Variants in FAXDC2 observed in about 807,000 individuals in gnomAD.
FAXDC2 encodes fatty acid hydroxylase domain containing 2.
FAXDC2 carries 41 observed loss-of-function variants against 40.9 expected under a neutral mutation model. The observed-to-expected ratio is 1.00, with a 90% confidence interval of 0.78 to 1.30. The LOEUF (loss-of-function observed/expected upper bound fraction) is 1.30, where lower values mean the gene tolerates loss of function less well. Among genes scored for constraint, FAXDC2 ranks in the 50% most tolerant of loss-of-function variants. The pLI, the probability that FAXDC2 is intolerant of heterozygous loss-of-function variation, is 0.00. For missense variants in FAXDC2, 390 were observed against 408.8 expected (o/e 0.95, Z 0.40); for synonymous variants, 157 against 149.3 (o/e 1.05, Z -0.38).
intron 1 of FAXDC2, among the ~76,000 whole-genome samples, chr5:154,842,274 G>A (rs906135609): frequency 1.3e-5 from 2 of 149,110 alleles, no homozygotes; most frequent in South Asian, 2.1e-4. Context: ...CTCAGCTCAC[G>A]GCAACCTCCA....
intron 1 of FAXDC2, among the ~76,000 whole-genome samples, chr5:154,845,584 A>G (rs1760579566): frequency 6.6e-6 from 1 of 152,038 alleles, no homozygotes; most frequent in Non-Finnish European, 1.5e-5. Flanking sequence ...AAGTATTAAT[A>G]TAAAAAAAAT....
At chr5:154,826,673 A>C (rs942410108) in intron 5 of FAXDC2, among the ~76,000 whole-genome samples, 1 of 152,144 alleles carries the variant, frequency 6.6e-6, no homozygotes, top group Admixed American at 6.5e-5. Context: ...AAACCATATC[A>C]TTGGTGAACT....
At chr5:154,849,923 G>T (rs373754473) in intron 1 of FAXDC2, among the ~76,000 whole-genome samples, 65 of 152,338 alleles carry the variant, frequency 4.3e-4, no homozygotes, top group African/African-American at 1.5e-3. Flanking sequence ...TGGAGCCACT[G>T]TTGGTAAATC....
chr5:154,821,521 T>C lies in FAXDC2; in HGVS notation c.679-95A>G. On this transcript the variant is annotated intron_variant, in intron 7 of 8. Transcript: ENST00000326080. ...TCCCAAGGTGGTACCAGAGGCAAAC[T>C]TCCTTGACCCAGATCTGGAGAAGGT... The C allele has an allele frequency of 2.2e-6, 2 of 928,438 alleles. 1 individual carries two copies. Among genetic ancestry groups the C allele is most frequent in the South Asian group, 3.7e-5 (2 of 53,780 alleles). The allele number at this position is 928,438 out of a possible 1,614,324, so 57.5% of individuals were successfully genotyped here. A position where few individuals can be genotyped will look rare whatever the true frequency, so the allele number is the denominator to read the frequency against.
chr5:154,821,484 G>A, intron 7 of FAXDC2, 58 bp from the exon 8 acceptor site: 1 of 1,420,176 alleles, frequency 7.0e-7, no homozygotes, highest in Non-Finnish European at 9.6e-7. Flanking sequence ...ACTTAGTTGG[G>A]TATACACTTA....
At chr5:154,821,080 A>G in intron 8 of FAXDC2, 180 bp downstream of exon 8, 1 of 590,838 alleles carries the variant, frequency 1.7e-6, no homozygotes, top group South Asian at 2.3e-5. Flanking sequence ...TTGGAGGAGG[A>G]CCCAATTTCA....
chr5:154,838,047 T>C (rs1760394645), intron 2 of FAXDC2, 84 bp downstream of exon 2: 1 of 881,146 alleles, frequency 1.1e-6, no homozygotes. Flanking sequence ...TTGGGGGAGA[T>C]GTTGGATGCA....
At position 154,823,430 on chromosome 5, in the gene FAXDC2, T is replaced by C. The variant is rs1759937212; in HGVS notation, c.529A>G (p.Ile177Val). 6.2e-7 allele frequency: 1 copy of C among 1,614,044 alleles called. No homozygotes were observed. The highest frequency in any genetic ancestry group is 8.5e-7 in the Non-Finnish European group (1 of 1,180,018). Reference protein sequence around the residue: ...TFHWFLLELAIFTLIEEVLFY... With the variant: ...TFHWFLLELAVFTLIEEVLFY... ...AAGACTTCCTCGATCAGCGTGAAGA[T>C]GGCCAGCTCCAGGAGGAACCAGTGG... is the stretch of plus-strand genomic sequence containing the variant. The change falls in exon 6 of 9, where the codon ATC (isoleucine) becomes GTC (valine). Residue 177 changes from isoleucine to valine, a missense_variant. By Grantham distance (29) the Ile-to-Val change is conservative. Transcript: ENST00000326080.
chr5:154,848,243 G>C (rs780303950), intron 1 of FAXDC2, among the ~76,000 whole-genome samples: 3 of 152,058 alleles, frequency 2.0e-5, no homozygotes, highest in Admixed American at 2.0e-4. Flanking sequence ...ACTCTTAGAG[G>C]GGGGAGAAAA....
At position 154,848,380 on chromosome 5, in the gene FAXDC2, G is replaced by T. The variant is rs192002050; in HGVS notation, c.-1+2103C>A. ...CAAAATCTAGGCTTCTTAACACTTTGCCTAGTGCTGTATGTATTTTGGGAA... is the reference window on the plus strand; with the variant it reads ...CAAAATCTAGGCTTCTTAACACTTTTCCTAGTGCTGTATGTATTTTGGGAA... On this transcript the variant is annotated intron_variant, in intron 1 of 8. Coordinates refer to ENST00000326080, the MANE Select transcript of FAXDC2 (RefSeq NM_032385.5). Among the ~76,000 whole-genome samples, 5 of 152,220 alleles carry T rather than the reference G, an allele frequency of 3.3e-5. No homozygotes were observed. The East Asian group carries it at 9.7e-4, about 29-fold the overall frequency.
chr5:154,844,802 G>C (rs1760557565), intron 1 of FAXDC2, among the ~76,000 whole-genome samples: 1 of 152,170 alleles, frequency 6.6e-6, no homozygotes, highest in South Asian at 2.1e-4. Context: ...TCTGGAAGAA[G>C]ACAGCTCTGG....
At position 154,825,650 on chromosome 5, in the gene FAXDC2, C is replaced by CAAA. The variant is rs386358555; in HGVS notation, c.367-2061_367-2059dup. On this transcript the variant is annotated intron_variant, in intron 5 of 8. Transcript: ENST00000326080. ...TGGGTGACAGAGTGAGACTCCGTCT[C>CAAA]AAAAAAAAAAAAAAAAAAGCAGTAA... 5.3e-4 allele frequency among the ~76,000 whole-genome samples: 16 copies of CAAA among 30,148 alleles called. 5 individuals are homozygous for CAAA. The highest frequency in any genetic ancestry group is 6.3e-3 in the South Asian group (2 of 320). The allele number at this position is 30,148 out of a possible 152,430, so 19.8% of individuals were successfully genotyped here.
chr5:154,849,616 C>T (rs2113179302), intron 1 of FAXDC2, among the ~76,000 whole-genome samples: 1 of 152,314 alleles, frequency 6.6e-6, no homozygotes, highest in East Asian at 1.9e-4. Flanking sequence ...AGCACCATTC[C>T]CTTGTGCTAA....
chr5:154,843,922 T>G (rs1180198875), intron 1 of FAXDC2, among the ~76,000 whole-genome samples: 4 of 152,176 alleles, frequency 2.6e-5, no homozygotes, highest in Admixed American at 2.6e-4. Context: ...GCCCAGGAGT[T>G]CAAGACCAGT....
Position 154,834,736 on chromosome 5 carries a change from A to G in FAXDC2, c.141-8T>C. 1 of 1,613,714 alleles carries G rather than the reference A, an allele frequency of 6.2e-7. No homozygotes were observed. Among genetic ancestry groups the G allele is most frequent in the Non-Finnish European group, 8.5e-7 (1 of 1,179,792 alleles). ...CAAAATCTCTGAAGATGCCTTGGAAAAAAAACCAGGTTTCTGGGTGAAGAC... is the reference window on the plus strand; with the variant it reads ...CAAAATCTCTGAAGATGCCTTGGAAGAAAAACCAGGTTTCTGGGTGAAGAC... On this transcript the variant is annotated splice_region_variant and splice_polypyrimidine_tract_variant and intron_variant, in intron 3 of 8. Transcript: ENST00000326080.
intron 5 of FAXDC2, chr5:154,830,233 G>A (rs1227332546): frequency 6.6e-6 from 1 of 152,348 alleles, no homozygotes; most frequent in Non-Finnish European, 1.5e-5. Flanking sequence ...CCGGCGCTGT[G>A]CAAGTCAGAG....
chr5:154,823,321 C>G, intron 6 of FAXDC2, 66 bp downstream of exon 6: 1 of 1,490,796 alleles, frequency 6.7e-7, no homozygotes, highest in African/African-American at 1.4e-5. Context: ...GCCTCAGTTT[C>G]CTTGTTGATC....
chr5:154,830,105 A>C (rs1760150932), intron 5 of FAXDC2, among the ~76,000 whole-genome samples: 1 of 152,210 alleles, frequency 6.6e-6, no homozygotes, highest in Non-Finnish European at 1.5e-5. Flanking sequence ...TTGTCTGGGA[A>C]AGAAGCCAGG....
At chr5:154,837,224 TC>T (rs1213039468) in intron 2 of FAXDC2, among the ~76,000 whole-genome samples, 1 of 152,170 alleles carries the variant, frequency 6.6e-6, no homozygotes, top group African/African-American at 2.4e-5. Context: ...ACACTCTCTC[TC>T]TCTCTCTCAG....
Sources: allele counts gnomAD v4.1 joint callset (sites outside exome capture counted in the v4.1 genomes callset), GRCh38; gene constraint gnomAD v4.1.1; transcripts MANE v1.5; gene names NCBI Gene and HGNC (gene_info 2026-07-23, HGNC 2026-07-21).